Variants in RNF150 observed in about 807,000 individuals in gnomAD.
RNF150 encodes ring finger protein 150.
RNF150 carries 24 observed loss-of-function variants against 39.3 expected under a neutral mutation model. The observed-to-expected ratio is 0.61, with a 90% CI of 0.44 to 0.86. RNF150 has a LOEUF of 0.86. Ranked by LOEUF, RNF150 falls within the 40% of genes least tolerant of loss-of-function variation. RNF150 has a pLI of 0.00. For synonymous variants in RNF150, 255 were observed against 227.3 expected, an observed-to-expected ratio of 1.12 and a Z score of -1.10; for missense variants, 502 against 587.8, an observed-to-expected ratio of 0.85 and a Z score of 1.51.
rs149949615 is a variant in RNF150 at position 140,868,690 on chromosome 4, A to G, written c.1199-311T>C. Among the ~76,000 whole-genome samples the G allele has an allele frequency of 3.7e-3, 561 of 152,352 alleles. 2 individuals carry two copies. Among genetic ancestry groups the G allele is most frequent in the African/African-American group, 0.013 (523 of 41,580 alleles). ...AATTGGGTAATTTACAGAAGAAAAG[A>G]TTGTTACATATGCGTAACATTTAAA... On this transcript the variant is annotated intron_variant, in intron 6 of 6. Transcript: ENST00000515673.
intron 6 of RNF150, among the ~76,000 whole-genome samples, chr4:140,906,832 T>A (rs760236599): frequency 6.6e-6 from 1 of 152,090 alleles, no homozygotes; most frequent in Non-Finnish European, 1.5e-5. Flanking sequence ...TAGTCTGAGA[T>A]GGAAGAAGGG....
At chr4:141,199,544 A>G (rs1728256285) in intron 1 of RNF150, among the ~76,000 whole-genome samples, 1 of 152,212 alleles carries the variant, frequency 6.6e-6, no homozygotes, top group Non-Finnish European at 1.5e-5. Context: ...GGTACACTCA[A>G]TAATGTGGAT....
chr4:141,210,241 C>T (rs952580176), intron 1 of RNF150, among the ~76,000 whole-genome samples: 1 of 152,144 alleles, frequency 6.6e-6, no homozygotes, highest in Non-Finnish European at 1.5e-5. Context: ...CCTAAGTTGA[C>T]AATTCTTTCC....
chr4:141,091,472 G>A (rs952119427), intron 1 of RNF150, among the ~76,000 whole-genome samples: 3 of 152,146 alleles, frequency 2.0e-5, no homozygotes, highest in African/African-American at 7.2e-5. Context: ...AGGGCAGGAT[G>A]GGAAACAGTG....
At chr4:141,183,969 C>A (rs1479490457) in intron 1 of RNF150, among the ~76,000 whole-genome samples, 1 of 152,122 alleles carries the variant, frequency 6.6e-6, no homozygotes, top group African/African-American at 2.4e-5. Flanking sequence ...AATAAACATA[C>A]GTGTGCATGT....
At chr4:141,090,033 A>C (rs1738520209) in intron 1 of RNF150, among the ~76,000 whole-genome samples, 1 of 152,198 alleles carries the variant, frequency 6.6e-6, no homozygotes, top group Admixed American at 6.5e-5. Context: ...TCTTGAAAAA[A>C]ATCAGCATCT....
intron 6 of RNF150, among the ~76,000 whole-genome samples, chr4:140,907,966 C>CT (rs1305895601): frequency 1.2e-4 from 19 of 152,122 alleles, no homozygotes; most frequent in African/African-American, 4.3e-4. Context: ...TTATTTCTTC[C>CT]TTTTTTGGTA....
At chr4:140,984,272 C>T (rs181089073) in intron 1 of RNF150, among the ~76,000 whole-genome samples, 1 of 152,228 alleles carries the variant, frequency 6.6e-6, no homozygotes, top group African/African-American at 2.4e-5. Flanking sequence ...AGGATCAGAG[C>T]TCAAGCTCCA....
intron 1 of RNF150, among the ~76,000 whole-genome samples, chr4:141,155,463 A>T (rs950385895): frequency 1.3e-5 from 2 of 152,138 alleles, no homozygotes; most frequent in Non-Finnish European, 2.9e-5. Flanking sequence ...CGAGAAGCAT[A>T]GATTCTGGCA....
chr4:140,945,084 A>G (rs1253581040), intron 4 of RNF150, among the ~76,000 whole-genome samples: 2 of 152,336 alleles, frequency 1.3e-5, no homozygotes, highest in East Asian at 1.9e-4. Flanking sequence ...AAATGCTCAA[A>G]TGCATTTTGT....
At chr4:140,984,464 T>A (rs147521300) in intron 1 of RNF150, among the ~76,000 whole-genome samples, 2 of 152,222 alleles carry the variant, frequency 1.3e-5, no homozygotes, top group African/African-American at 4.8e-5. Flanking sequence ...TTTAGGAAGA[T>A]CTCAAGTCTA....
chr4:141,127,918 C>T (rs941247027), intron 1 of RNF150, among the ~76,000 whole-genome samples: 6 of 152,158 alleles, frequency 3.9e-5, no homozygotes, highest in East Asian at 1.9e-4. Flanking sequence ...CAGACTACCA[C>T]GTTTATCATA....
chr4:141,122,858 A>T (rs896943300), intron 1 of RNF150, among the ~76,000 whole-genome samples: 1 of 152,224 alleles, frequency 6.6e-6, no homozygotes, highest in African/African-American at 2.4e-5. Flanking sequence ...TATGTATTTC[A>T]TTTAAAATAA....
intron 5 of RNF150, among the ~76,000 whole-genome samples, 195 bp downstream of exon 5, chr4:140,925,782 T>C (rs1262250541): frequency 6.6e-6 from 1 of 151,914 alleles, no homozygotes; most frequent in East Asian, 1.9e-4. Flanking sequence ...TGGTGAAAGG[T>C]TGGGATGTCC....
chr4:141,171,735 T>C (rs1325343544), intron 1 of RNF150, among the ~76,000 whole-genome samples: 1 of 152,244 alleles, frequency 6.6e-6, no homozygotes, highest in Non-Finnish European at 1.5e-5. Flanking sequence ...ACAACTGAAC[T>C]GAATTGAGCT....
chr4:141,172,026 A>G (rs1165672446), intron 1 of RNF150, among the ~76,000 whole-genome samples: 1 of 152,166 alleles, frequency 6.6e-6, no homozygotes, highest in African/African-American at 2.4e-5. Context: ...ACATAAGATC[A>G]ATGTTTTCAT....
At chr4:140,927,515 G>C (rs1214293059) in intron 4 of RNF150, among the ~76,000 whole-genome samples, 1 of 152,186 alleles carries the variant, frequency 6.6e-6, no homozygotes, top group East Asian at 1.9e-4. Context: ...GCCTTGTGAA[G>C]TGCTGGCTCT....
At chr4:141,198,465 A>C (rs1416312919) in intron 1 of RNF150, among the ~76,000 whole-genome samples, 3 of 152,350 alleles carry the variant, frequency 2.0e-5, no homozygotes, top group Non-Finnish European at 2.9e-5. Flanking sequence ...CACTGTATAA[A>C]GTTTTGTTGC....
chr4:141,178,649 C>T (rs1032315607), intron 1 of RNF150, among the ~76,000 whole-genome samples: 2 of 151,834 alleles, frequency 1.3e-5, no homozygotes, highest in Non-Finnish European at 2.9e-5. Flanking sequence ...AGTGGGGGAG[C>T]GGGAGGTGGG....
Sources: allele counts gnomAD v4.1 joint callset (sites outside exome capture counted in the v4.1 genomes callset), GRCh38; gene constraint gnomAD v4.1.1; transcripts MANE v1.5; gene names NCBI Gene and HGNC (gene_info 2026-07-23, HGNC 2026-07-21).